Variants in CEP152 observed in about 807,000 individuals in gnomAD.
The protein encoded by CEP152 is centrosomal protein 152.
CEP152 carries 132 observed loss-of-function variants against 188.9 expected under a neutral mutation model. That is an observed-to-expected ratio of 0.70 (90% confidence interval 0.61 to 0.81). The LOEUF (loss-of-function observed/expected upper bound fraction) is 0.81. CEP152 is among the 30% of genes least tolerant of loss of function. CEP152 has a pLI of 0.00. For synonymous variants in CEP152, 649 were observed against 666.6 expected (o/e 0.97, Z 0.41); for missense variants, 1,914 against 1,969.8 (o/e 0.97, Z 0.54).
intron 2 of CEP152, among the ~76,000 whole-genome samples, chr15:48,801,738 G>C (rs6493340): frequency 0.86 from 130,339 of 152,174 alleles, 56,135 homozygotes; most frequent in East Asian, 1. Context: ...TGGCAATCTT[G>C]TTTAAGCTGT....
chr15:48,782,315 G>A (rs1212120916), intron 10 of CEP152, 85 bp from the exon 11 acceptor site: 6 of 1,169,276 alleles, frequency 5.1e-6, no homozygotes, highest in Non-Finnish European at 7.6e-6. Context: ...AATCCACTGA[G>A]GCTACAGAAA....
chr15:48,746,766 A>T (rs571238157), intron 22 of CEP152, among the ~76,000 whole-genome samples: 1 of 152,278 alleles, frequency 6.6e-6, no homozygotes, highest in African/African-American at 2.4e-5. Flanking sequence ...ACAGACAGCA[A>T]ATGATTACAA....
chr15:48,729,575 A>G (rs1354599424), intron 2 of CEP152: 1 of 152,204 alleles, frequency 6.6e-6, no homozygotes, highest in African/African-American at 2.4e-5. Context: ...GTATATGTAT[A>G]TAAATATTTA....
At chr15:48,760,893 CA>C in intron 18 of CEP152, among the ~76,000 whole-genome samples, 1 of 152,054 alleles carries the variant, frequency 6.6e-6, no homozygotes, top group Non-Finnish European at 1.5e-5. Flanking sequence ...CACAGATATG[CA>C]GATATATGTA....
chr15:48,797,006 A>T (rs1177773015), intron 5 of CEP152, among the ~76,000 whole-genome samples: 1 of 152,254 alleles, frequency 6.6e-6, no homozygotes, highest in Non-Finnish European at 1.5e-5. Flanking sequence ...GCAGTGGTAG[A>T]AGCAGCAGTA....
chr15:48,778,529 C>T (rs1896058144), intron 12 of CEP152, among the ~76,000 whole-genome samples: 1 of 152,136 alleles, frequency 6.6e-6, no homozygotes, highest in Admixed American at 6.5e-5. Flanking sequence ...TGTCTTTTTG[C>T]CGAGCCTCAG....
At chr15:48,777,000 A>G (rs1489394226) in intron 12 of CEP152, among the ~76,000 whole-genome samples, 2 of 152,134 alleles carry the variant, frequency 1.3e-5, no homozygotes, top group Admixed American at 1.3e-4. Flanking sequence ...AAACGTAATC[A>G]TAAGAAAAAC....
intron 9 of CEP152, among the ~76,000 whole-genome samples, chr15:48,787,389 T>G (rs1335515102): frequency 6.6e-6 from 1 of 152,062 alleles, no homozygotes; most frequent in Non-Finnish European, 1.5e-5. Flanking sequence ...CAGGCTAGTC[T>G]TGAACTCATG....
intron 22 of CEP152, among the ~76,000 whole-genome samples, chr15:48,746,964 A>G (rs1893484952): frequency 6.6e-6 from 1 of 152,200 alleles, no homozygotes; most frequent in South Asian, 2.1e-4. Flanking sequence ...AATCCATGCT[A>G]TGGCTCTACT....
At chr15:48,761,670 A>T (rs1484697175) in intron 18 of CEP152, among the ~76,000 whole-genome samples, 1 of 152,168 alleles carries the variant, frequency 6.6e-6, no homozygotes, top group African/African-American at 2.4e-5. Flanking sequence ...CAATAGTGTA[A>T]ATATAAACCA....
rs771559023 is a variant in CEP152 at position 48,788,816 on chromosome 15, G to A, written c.1158C>T (p.Thr386=). ...TCATCCCAACCTGTTCTTTAAGTGC[G>A]GTGACTGTGGCATCCAAATTCTTTT... ...SLQKNLDATV[T]ALKEQEDICS... Residue 386 remains threonine, a synonymous_variant, in exon 9 of 27, where the codon ACC becomes ACT. Transcript: ENST00000380950. The A allele has an allele frequency of 2.0e-5, 32 of 1,613,970 alleles. No homozygotes were observed. Among genetic ancestry groups the A allele is most frequent in the African/African-American group, 2.7e-5 (2 of 74,910 alleles).
chr15:48,740,612 TTAC>T, intron 26 of CEP152: 1 of 148,830 alleles, frequency 6.7e-6, no homozygotes, highest in South Asian at 2.1e-4. Context: ...TTGGTTACTC[TTAC>T]TTTTTTTTTT....
intron 22 of CEP152, among the ~76,000 whole-genome samples, chr15:48,745,584 G>C (rs1257036052): frequency 6.6e-6 from 1 of 152,066 alleles, no homozygotes; most frequent in Non-Finnish European, 1.5e-5. Flanking sequence ...GGGATAGGCG[G>C]TGGAGTTAAG....
At chr15:48,749,443 C>G (rs1485160319) in intron 21 of CEP152, among the ~76,000 whole-genome samples, 1 of 151,660 alleles carries the variant, frequency 6.6e-6, no homozygotes, top group Non-Finnish European at 1.5e-5. Context: ...GTGTCTCCCA[C>G]AGATTGCTTA....
In CEP152 at chr15:48,797,950, T is replaced by C. The variant is rs1365396457; in HGVS notation, c.189A>G (p.Gly63=). 8.1e-6 allele frequency: 13 copies of C among 1,613,386 alleles called. No individual in the cohort carries two copies. The highest frequency in any genetic ancestry group is 1.1e-5 in the Non-Finnish European group (13 of 1,179,458). The change falls in exon 3 of 27, where the codon GGA becomes GGG. Residue 63 remains glycine (G), a splice_region_variant and synonymous_variant. Transcript: ENST00000380950. ...YSDCSEDGTD[G]QPHHPEQLEM... ...TGAAAGTGACTTCAGGTGCTTACTGTCCGTCTGTGCCATCCTCGCTGCAGT... is the reference window on the plus strand; with the variant it reads ...TGAAAGTGACTTCAGGTGCTTACTGCCCGTCTGTGCCATCCTCGCTGCAGT...
chr15:48,748,481 A>G lies in CEP152; in HGVS notation c.3596T>C (p.Leu1199Ser). 2 of 1,534,602 alleles carry G rather than the reference A, an allele frequency of 1.3e-6. No individual in the cohort carries two copies. Among genetic ancestry groups the G allele is most frequent in the Non-Finnish European group, 1.7e-6 (2 of 1,146,172 alleles). The change falls in exon 22 of 27, where the codon TTA (leucine) becomes TCA (serine). Residue 1199 changes from leucine (L) to serine (S), a missense_variant. Leu to Ser is a moderately radical substitution (Grantham distance 145). Coordinates refer to ENST00000380950, the MANE Select transcript of CEP152 (RefSeq NM_001194998.2). ...LEKCCRHLQHLERKHKAVVEK... is the reference protein window; with the variant it reads ...LEKCCRHLQHSERKHKAVVEK... ...CACTACAGCTTTGTGCTTCCTTTCT[A>G]AATGCTGAAGATGCCTACAGCATTT...
chr15:48,731,871 A>G (rs886715816), intron 2 of CEP152, among the ~76,000 whole-genome samples: 1 of 152,228 alleles, frequency 6.6e-6, no homozygotes, highest in African/African-American at 2.4e-5. Flanking sequence ...AAGTGGGCAA[A>G]GGACATGAAC....
rs762950259 is a variant in CEP152 at position 48,762,507 on chromosome 15, G to T, written c.2446C>A (p.Gln816Lys). 1 of 1,613,988 alleles carries T rather than the reference G, an allele frequency of 6.2e-7. No individual in the cohort carries two copies. The highest frequency in any genetic ancestry group is 8.5e-7 in the Non-Finnish European group (1 of 1,179,970). Residue 816 changes from glutamine (Q) to lysine (K), a missense_variant, in exon 18 of 27, where the codon CAG (glutamine) becomes AAG (lysine). By Grantham distance (53) the Gln-to-Lys change is moderately conservative (BLOSUM62 1). Coordinates refer to ENST00000380950, the MANE Select transcript of CEP152 (RefSeq NM_001194998.2). ...AAGTTTTGCTGGATTGTGCACTTCT[G>T]CTCTTCTATCATAATTGCCATCTCT... ...KKEMAIMIEE[Q>K]KCTIQQNLEQ...
chr15:48,790,963 A>G (rs1896954202), intron 8 of CEP152, among the ~76,000 whole-genome samples: 1 of 152,166 alleles, frequency 6.6e-6, no homozygotes, highest in Admixed American at 6.5e-5. Context: ...CAAAAATCAA[A>G]TGGCTATCTC....
Sources: gnomAD v4.1 joint callset for allele counts (sites outside exome capture counted in the v4.1 genomes callset) on GRCh38, gnomAD v4.1.1 for gene constraint, MANE v1.5 for transcripts, NCBI Gene and HGNC (gene_info 2026-07-23, HGNC 2026-07-21) for gene names.